PCDHAC1: variants seen among roughly 807,000 people sequenced by gnomAD.
PCDHAC1 encodes protocadherin alpha subfamily C, 1.
A neutral mutation model predicts 60.0 loss-of-function variants in PCDHAC1; 42 were observed. The ratio of observed to expected loss-of-function variants is 0.70; its 90% CI spans 0.55 to 0.90. The LOEUF is 0.90. PCDHAC1 is among the 40% of genes least tolerant of loss of function. PCDHAC1 has a pLI of 0.00. For synonymous variants in PCDHAC1, 468 were observed against 499.3 expected, an observed-to-expected ratio of 0.94 and a Z score of 0.84; for missense variants, 1,160 against 1,222.3, an observed-to-expected ratio of 0.95 and a Z score of 0.76.
At position 140,928,325 on chromosome 5, in the gene PCDHAC1, G is replaced by A. The variant is rs1432328240; in HGVS notation, c.1433G>A (p.Gly478Asp). 3.1e-6 allele frequency: 5 copies of A among 1,614,020 alleles called. No homozygotes were observed. The African/African-American group carries it at 6.7e-5, about 22-fold the overall frequency. ...FAQDPDLGKNGLVSYELLDVI... is the reference protein window; with the variant it reads ...FAQDPDLGKNDLVSYELLDVI... ...CAGGACCCCGACCTGGGGAAGAATGGCCTTGTCTCTTATGAGCTGTTGGAT... is the reference window on the plus strand; with the variant it reads ...CAGGACCCCGACCTGGGGAAGAATGACCTTGTCTCTTATGAGCTGTTGGAT... Residue 478 changes from glycine to aspartate, a missense_variant, in exon 1 of 4, where the codon GGC (glycine) becomes GAC (aspartate). Gly to Asp is a moderately conservative substitution (Grantham distance 94). Transcript: ENST00000253807.
intron 3 of PCDHAC1, among the ~76,000 whole-genome samples, chr5:140,997,635 A>C (rs1317325954): frequency 6.6e-6 from 1 of 151,942 alleles, no homozygotes; most frequent in Non-Finnish European, 1.5e-5. Context: ...CAAAAAGCAA[A>C]ATGGGATAAT....
rs183715022 is a variant in PCDHAC1 at position 140,950,136 on chromosome 5, A to G, written c.2433+20811A>G. Among the ~76,000 whole-genome samples, 19 of 152,068 alleles carry G rather than the reference A, an allele frequency of 1.2e-4. No individual in the cohort carries two copies. The East Asian group carries it at 3.7e-3, about 29-fold the overall frequency. ...AATACAAAACCCACAAGACACAGTT[A>G]TAATTTTTGTTTAAGCAGTTATTAT... On this transcript the variant is annotated intron_variant, in intron 1 of 3. Transcript: ENST00000253807.
At chr5:141,004,823 TTAGA>T (rs1175791432) in intron 3 of PCDHAC1, among the ~76,000 whole-genome samples, 26 of 152,314 alleles carry the variant, frequency 1.7e-4, no homozygotes, top group African/African-American at 5.8e-4. Context: ...TTTGATTAAC[TTAGA>T]TAGATCAAAG....
At chr5:141,008,684 G>C (rs1426948038) in intron 3 of PCDHAC1, among the ~76,000 whole-genome samples, 1 of 152,118 alleles carries the variant, frequency 6.6e-6, no homozygotes, top group Admixed American at 6.5e-5. Context: ...TTTAGTTATT[G>C]CATGTATTAA....
chr5:140,987,850 A>G lies in PCDHAC1; in HGVS notation c.2581+5287A>G, dbSNP rs115051779. Among the ~76,000 whole-genome samples, 1,266 of 152,242 alleles carry G rather than the reference A, an allele frequency of 8.3e-3. 21 individuals are homozygous for G. Among genetic ancestry groups the G allele is most frequent in the African/African-American group, 0.028 (1,145 of 41,532 alleles). On this transcript the variant is annotated intron_variant, in intron 3 of 3. Coordinates refer to ENST00000253807, the MANE Select transcript of PCDHAC1 (RefSeq NM_018898.5). ...GGGATTGCTTTTGCCCTGATTTGCCACATCTCTTTACTCTGTGGAAAATGG... is the reference window on the plus strand; with the variant it reads ...GGGATTGCTTTTGCCCTGATTTGCCGCATCTCTTTACTCTGTGGAAAATGG...
intron 1 of PCDHAC1, among the ~76,000 whole-genome samples, chr5:140,956,370 A>G (rs1229960310): frequency 6.6e-6 from 1 of 152,152 alleles, no homozygotes; most frequent in East Asian, 1.9e-4. Context: ...GGGATGTTGA[A>G]TTTTATCGAA....
In PCDHAC1 at chr5:140,928,844, C is replaced by A. The variant is rs782361945; in HGVS notation, c.1952C>A (p.Thr651Asn). The change falls in exon 1 of 4, where the codon ACT (threonine) becomes AAT (asparagine). Residue 651 changes from threonine to asparagine, a missense_variant. This residue lies in a region of PCDHAC1 where 1,113 missense variants were observed against 1,163.7 expected (regional missense o/e 0.96). Coordinates refer to ENST00000253807, the MANE Select transcript of PCDHAC1 (RefSeq NM_018898.5). ...HGDPPLSSSVTLGVLLSNSVP... is the reference protein window; with the variant it reads ...HGDPPLSSSVNLGVLLSNSVP... ...GACCCACCACTTTCCTCCTCTGTCA[C>A]TCTGGGTGTGCTGTTGAGCAACTCT... is the stretch of plus-strand genomic sequence containing the variant. The A allele has an allele frequency of 5.6e-6, 9 of 1,614,168 alleles. No individual in the cohort carries two copies. Among genetic ancestry groups the A allele is most frequent in the Non-Finnish European group, 7.6e-6 (9 of 1,180,028 alleles).
At chr5:140,975,200 C>T (rs1469690831) in intron 1 of PCDHAC1, among the ~76,000 whole-genome samples, 1 of 152,224 alleles carries the variant, frequency 6.6e-6, no homozygotes, top group Non-Finnish European at 1.5e-5. Context: ...GCTCCATCTT[C>T]ATGGCTGGCA....
intron 2 of PCDHAC1, among the ~76,000 whole-genome samples, chr5:140,981,130 CAA>C (rs1267278229): frequency 6.6e-6 from 1 of 152,186 alleles, no homozygotes; most frequent in East Asian, 1.9e-4. Flanking sequence ...TGTTTGAAGT[CAA>C]AGAGTGAGAA....
At chr5:140,972,306 GT>G (rs2096530781) in intron 1 of PCDHAC1, among the ~76,000 whole-genome samples, 1 of 150,488 alleles carries the variant, frequency 6.6e-6, no homozygotes, top group South Asian at 2.1e-4. Flanking sequence ...TGTCTGACTA[GT>G]TTTTAGGTGT....
chr5:140,931,430 A>G (rs1431087207), intron 1 of PCDHAC1, among the ~76,000 whole-genome samples: 2 of 149,950 alleles, frequency 1.3e-5, no homozygotes, highest in Non-Finnish European at 3.0e-5. Flanking sequence ...AGTTAGAAGG[A>G]AAATTAGCTA....
intron 1 of PCDHAC1, chr5:140,968,462 A>G: frequency 6.2e-7 from 1 of 1,614,104 alleles, no homozygotes; most frequent in African/African-American, 1.3e-5. Flanking sequence ...TGTGACTGCC[A>G]ACGTATATGT....
rs1584446348 is a variant in PCDHAC1, at chr5:140,926,518, C to T, written c.-375C>T. On this transcript the variant is annotated 5_prime_UTR_variant, in exon 1 of 4. Transcript: ENST00000253807. ...TCTCGGGGCGTCTCCCAGGCTCCGCCCTGCGCCCGCAGCCAGCGTGGTGGT... is the reference window on the plus strand; with the variant it reads ...TCTCGGGGCGTCTCCCAGGCTCCGCTCTGCGCCCGCAGCCAGCGTGGTGGT... The T allele has an allele frequency of 4.9e-6, 1 of 202,636 alleles. No individual in the cohort carries two copies. Among genetic ancestry groups the T allele is most frequent in the Non-Finnish European group, 9.8e-6 (1 of 102,470 alleles). 12.6% of individuals were successfully genotyped at this position (202,636 alleles called of 1,614,324 possible).
intron 3 of PCDHAC1, among the ~76,000 whole-genome samples, chr5:140,998,767 T>C (rs367972918): frequency 5.3e-5 from 8 of 152,312 alleles, no homozygotes; most frequent in African/African-American, 1.9e-4. Flanking sequence ...TTTCACTATG[T>C]TGGTCAGGCT....
chr5:140,968,312 C>A, intron 1 of PCDHAC1: 2 of 1,613,960 alleles, frequency 1.2e-6, no homozygotes, highest in Non-Finnish European at 1.7e-6. Context: ...GATTCAAGGG[C>A]TGCCAGTCAC....
At chr5:140,967,936 T>G in intron 1 of PCDHAC1, 1 of 1,614,226 alleles carries the variant, frequency 6.2e-7, no homozygotes, top group Non-Finnish European at 8.5e-7. Flanking sequence ...TCAGTGTCAA[T>G]GACCAAGACT....
At chr5:140,939,285 T>A (rs2092357056) in intron 1 of PCDHAC1, among the ~76,000 whole-genome samples, 1 of 152,108 alleles carries the variant, frequency 6.6e-6, no homozygotes, top group Admixed American at 6.5e-5. Flanking sequence ...GCCCTCGTGA[T>A]CTAATCATCT....
At chr5:140,981,342 G>A (rs2096927846) in intron 2 of PCDHAC1, among the ~76,000 whole-genome samples, 1 of 152,176 alleles carries the variant, frequency 6.6e-6, no homozygotes, top group African/African-American at 2.4e-5. Flanking sequence ...GGGAGGGTGA[G>A]GCAGGTGGAT....
chr5:140,992,584 T>G (rs1327367703), intron 3 of PCDHAC1, among the ~76,000 whole-genome samples: 1 of 152,194 alleles, frequency 6.6e-6, no homozygotes, highest in Non-Finnish European at 1.5e-5. Context: ...CTGCCTTGTA[T>G]GCATCTAGCG....
Sources: gnomAD v4.1 joint callset for allele counts (sites outside exome capture counted in the v4.1 genomes callset) on GRCh38, gnomAD v4.1.1 for gene constraint, gnomAD v4.1.1 regional missense constraint, MANE v1.5 for transcripts, NCBI Gene and HGNC (gene_info 2026-07-23, HGNC 2026-07-21) for gene names.